The following NKAP variants were observed in gnomAD, a reference collection of about 807,000 sequenced individuals.
The protein encoded by NKAP is NF-kappa-B-activating protein.
Under a neutral mutation model 35.6 loss-of-function variants are expected in NKAP, and 4 were observed. The observed-to-expected ratio is 0.11, with a 90% CI of 0.06 to 0.26. The LOEUF (loss-of-function observed/expected upper bound fraction) is 0.26. Ranked by LOEUF, NKAP falls within the 10% of genes least tolerant of loss-of-function variation. NKAP has a pLI of 1.00. For missense variants in NKAP, 238 were observed against 321.9 expected (o/e 0.74, Z 1.99); for synonymous variants, 106 against 119.2 (o/e 0.89, Z 0.72).
At chrX:119,935,383 T>C (rs2056761948) in intron 4 of NKAP, among the ~76,000 whole-genome samples, 1 of 111,411 alleles carries the variant, frequency 9.0e-6, no homozygotes, top group Non-Finnish European at 1.9e-5. Flanking sequence ...AGACAGAAAG[T>C]AGTTTTCAGA....
chrX:119,920,757 C>T lies in NKAP; in HGVS notation c.*4463G>A. 2.6e-6 allele frequency: 1 copy of T among 389,734 alleles called. No homozygotes were observed. The highest frequency in any genetic ancestry group is 5.0e-5 in the South Asian group (1 of 19,843). 32.1% of individuals were successfully genotyped at this position (389,734 alleles called of 1,213,427 possible). On this transcript the variant is annotated 3_prime_UTR_variant, in exon 9 of 9. Transcript: ENST00000371410. The stretch of plus-strand genomic sequence containing the variant: ...TTGCATTCATTCATTTTCCATTCTG[C>T]AACCTCCATCACATTAGCAGAGTAA...
At position 119,943,319 on chromosome X, in the gene NKAP, G is replaced by A. The variant is rs1387773854; in HGVS notation, c.287C>T (p.Ser96Phe). ...GTAGCTGCCGTAATAGACTGACGAG[G>A]AGGCAGAAGCGAAGGGGATGCCCCG... ...APRGIPFASA[S>F]SSVYYGSYSR... Residue 96 changes from serine to phenylalanine, a missense_variant, in exon 1 of 9, where the codon TCC becomes TTC. By Grantham distance (155) the Ser-to-Phe change is radical. Coordinates refer to ENST00000371410, the MANE Select transcript of NKAP (RefSeq NM_024528.4). 1.5e-5 allele frequency: 18 copies of A among 1,211,049 alleles called. No homozygotes were observed. The highest frequency in any genetic ancestry group is 2.3e-4 in the Middle Eastern group (1 of 4,333).
At chrX:119,927,974 T>C (rs1436694254) in intron 8 of NKAP, among the ~76,000 whole-genome samples, 1 of 112,347 alleles carries the variant, frequency 8.9e-6, no homozygotes, top group Non-Finnish European at 1.9e-5. Context: ...AATCTTACCT[T>C]CTTGCTCTTC....
chrX:119,935,937 G>T (rs768340922), intron 4 of NKAP, among the ~76,000 whole-genome samples: 79 of 111,889 alleles, frequency 7.1e-4, no homozygotes, highest in Non-Finnish European at 1.3e-3. Context: ...GGCTTACTTT[G>T]GTACAGCCCA....
Position 119,936,288 on chromosome X carries a change from C to T in NKAP, c.673+9G>A, listed in dbSNP as rs761396680. ...AGCAAGGCTTGCAGAATGCTGTTGG[C>T]GTTCTTACCACTGGAGTCTGTTTCA... On this transcript the variant is annotated intron_variant, in intron 4 of 8. Coordinates refer to ENST00000371410, the MANE Select transcript of NKAP (RefSeq NM_024528.4). 1.6e-4 allele frequency: 187 copies of T among 1,200,458 alleles called. No homozygotes were observed. The highest frequency in any genetic ancestry group is 1.9e-4 in the Non-Finnish European group (170 of 891,510).
intron 5 of NKAP, among the ~76,000 whole-genome samples, chrX:119,933,077 T>C (rs1323901012): frequency 8.9e-6 from 1 of 111,840 alleles, no homozygotes; most frequent in Non-Finnish European, 1.9e-5. Flanking sequence ...GTCCCAACAA[T>C]TTGAACATTA....
At chrX:119,943,149 G>A in intron 1 of NKAP, 71 bp downstream of exon 1, 1 of 1,108,718 alleles carries the variant, frequency 9.0e-7, no homozygotes, top group Non-Finnish European at 1.2e-6. Flanking sequence ...AGTCAGAAGC[G>A]GAATGAATGA....
At position 119,925,236 on chromosome X, in the gene NKAP, C is replaced by A; in HGVS notation, c.1232G>T (p.Gly411Val). ...FREMVYRKTK[G>V]KDDK Reference sequence around the variant, plus strand: ...AGAAAATCTTTATTTGTCATCCTTCCCTTTGGTCTTTCTGTAAACCATTTC... The same window carrying A: ...AGAAAATCTTTATTTGTCATCCTTCACTTTGGTCTTTCTGTAAACCATTTC... The change falls in exon 9 of 9, where the codon GGG becomes GTG. Residue 411 changes from glycine to valine, a missense_variant. Transcript: ENST00000371410. 2 of 1,209,588 alleles carry A rather than the reference C, an allele frequency of 1.7e-6. No individual in the cohort carries two copies. Among genetic ancestry groups the A allele is most frequent in the Non-Finnish European group, 2.2e-6 (2 of 894,998 alleles).
At chrX:119,931,913 A>G (rs1357494804) in intron 7 of NKAP, 23 bp downstream of exon 7, 14 of 1,128,583 alleles carry the variant, frequency 1.2e-5, no homozygotes, top group Non-Finnish European at 1.7e-5. Context: ...TACTTTAGAT[A>G]TTATAAACAC....
chrX:119,941,499 C>T (rs1477599867), intron 1 of NKAP, among the ~76,000 whole-genome samples: 1 of 112,163 alleles, frequency 8.9e-6, no homozygotes, highest in Non-Finnish European at 1.9e-5. Context: ...AGAAATGGAG[C>T]CCAGAGAGGT....
chrX:119,931,819 G>A (rs1417757904), intron 7 of NKAP, 117 bp downstream of exon 7: 14 of 583,732 alleles, frequency 2.4e-5, no homozygotes, highest in Admixed American at 1.0e-4. Context: ...TAGTAGTCCA[G>A]CTCAGCTGGA....
Position 119,943,340 on chromosome X carries a change from C to G in NKAP, c.266G>C (p.Gly89Ala). ...CGAGGAGGCAGAAGCGAAGGGGATG[C>G]CCCGGGGCGCAGAGGGCCGCTCTCT... Reference protein sequence around the residue: ...RSRERPSAPRGIPFASASSSV... With the variant: ...RSRERPSAPRAIPFASASSSV... The change falls in exon 1 of 9, where the codon GGC becomes GCC. Residue 89 changes from glycine (G) to alanine (A), a missense_variant. Physicochemically the swap from Gly to Ala is moderately conservative, Grantham distance 60. Around this residue, in one of 5 missense-constraint regions of NKAP, gnomAD observed 123 missense variants for 115.3 expected, o/e 1.07. Coordinates refer to ENST00000371410, the MANE Select transcript of NKAP (RefSeq NM_024528.4). 8.3e-7 allele frequency: 1 copy of G among 1,211,985 alleles called. No homozygotes were observed. The highest frequency in any genetic ancestry group is 1.1e-6 in the Non-Finnish European group (1 of 895,484).
rs1241660878 is a variant in NKAP, at chrX:119,920,958, A to G, written c.*4262T>C. 1.6e-5 allele frequency: 2 copies of G among 123,120 alleles called. No homozygotes were observed. Among genetic ancestry groups the G allele is most frequent in the African/African-American group, 6.4e-5 (2 of 31,364 alleles). 10.1% of individuals were successfully genotyped at this position (123,120 alleles called of 1,213,427 possible). ...ATCTGAGCCTAAGTCTCCAGCTCAG[A>G]CACATCTCTTTATGGGCACAACTGG... On this transcript the variant is annotated 3_prime_UTR_variant, in exon 9 of 9. Coordinates refer to ENST00000371410, the MANE Select transcript of NKAP (RefSeq NM_024528.4).
At chrX:119,936,476 C>A (rs746456433) in intron 3 of NKAP, 45 bp from the exon 4 acceptor site, 1 of 1,037,847 alleles carries the variant, frequency 9.6e-7, no homozygotes, top group South Asian at 2.2e-5. Flanking sequence ...AAAACTATTT[C>A]TGAACATCAA....
chrX:119,926,566 C>T (rs919299346), intron 8 of NKAP, among the ~76,000 whole-genome samples: 7 of 111,173 alleles, frequency 6.3e-5, no homozygotes, highest in Non-Finnish European at 1.1e-4. Flanking sequence ...CATGCCTGGC[C>T]GCTATCATTA....
chrX:119,928,703 G>A (rs567991180), intron 8 of NKAP, among the ~76,000 whole-genome samples: 1 of 111,120 alleles, frequency 9.0e-6, no homozygotes, highest in African/African-American at 3.3e-5. Context: ...TGGGACTACA[G>A]GTGTCCGCCA....
intron 1 of NKAP, among the ~76,000 whole-genome samples, chrX:119,941,478 T>C (rs1321220143): frequency 9.0e-6 from 1 of 111,420 alleles, no homozygotes; most frequent in African/African-American, 3.3e-5. Flanking sequence ...TTATCCCCCT[T>C]TTAATGATGA....
rs1390712721 is a variant in NKAP at position 119,936,437 on chromosome X, A to G, written c.539-6T>C. On this transcript the variant is annotated splice_region_variant and splice_polypyrimidine_tract_variant and intron_variant, in intron 3 of 8. Coordinates refer to ENST00000371410, the MANE Select transcript of NKAP (RefSeq NM_024528.4). ...AGACTTCTTCTTTTTTTCTTCTAAGAAAGTACAAATTAAAAAATTATATTC... is the reference window on the plus strand; with the variant it reads ...AGACTTCTTCTTTTTTTCTTCTAAGGAAGTACAAATTAAAAAATTATATTC... 4 of 1,119,468 alleles carry G rather than the reference A, an allele frequency of 3.6e-6. No individual in the cohort carries two copies. In the African/African-American group the frequency reaches 7.5e-5, roughly 21 times the overall value. 92.3% of individuals were successfully genotyped at this position (1,119,468 alleles called of 1,213,427 possible). A position where few individuals can be genotyped will look rare whatever the true frequency, so the allele number is the denominator to read the frequency against.
At chrX:119,937,708 T>C (rs781496439) in intron 2 of NKAP, 1 of 110,781 alleles carries the variant, frequency 9.0e-6, no homozygotes, top group African/African-American at 3.3e-5. Flanking sequence ...CTTTTTTTTT[T>C]CTTTTAAATA....
Sources: gnomAD v4.1 joint callset for allele counts (sites outside exome capture counted in the v4.1 genomes callset) on GRCh38, gnomAD v4.1.1 for gene constraint, gnomAD v4.1.1 regional missense constraint, MANE v1.5 for transcripts, NCBI Gene and HGNC (gene_info 2026-07-23, HGNC 2026-07-21) for gene names.